Variants in RPGRIP1L observed in about 807,000 individuals in gnomAD.
The protein encoded by RPGRIP1L is protein fantom.
A neutral mutation model predicts 160.4 loss-of-function variants in RPGRIP1L; 131 were observed. The observed-to-expected ratio is 0.82, with a 90% CI of 0.71 to 0.94. The LOEUF (loss-of-function observed/expected upper bound fraction) is 0.94, where lower values mean the gene tolerates loss of function less well. Among genes scored for constraint, RPGRIP1L ranks in the 40% least tolerant of loss-of-function variants. The pLI is 0.00. For synonymous variants in RPGRIP1L, 510 were observed against 515.8 expected, an observed-to-expected ratio of 0.99 and a Z score of 0.15; for missense variants, 1,522 against 1,535.8, an observed-to-expected ratio of 0.99 and a Z score of 0.15.
intron 3 of RPGRIP1L, chr16:53,695,899 G>A (rs1397022789): frequency 2.4e-6 from 1 of 410,478 alleles, no homozygotes; most frequent in African/African-American, 2.0e-5. Flanking sequence ...TTATTTATAG[G>A]TATGATATAC....
At chr16:53,667,319 T>C (rs1410871989) in intron 9 of RPGRIP1L, among the ~76,000 whole-genome samples, 1 of 152,194 alleles carries the variant, frequency 6.6e-6, no homozygotes, top group East Asian at 1.9e-4. Flanking sequence ...AAGATCTAAA[T>C]AAAGCCAAAG....
rs1355152283 is a variant in RPGRIP1L at position 53,636,629 on chromosome 16, A to G, written c.3221-117T>C. ...GATAACCTTAAGAAACATGGTAATT[A>G]TACCTAGATCTTTTTTAGTAGCAAA... On this transcript the variant is annotated intron_variant, in intron 21 of 26. Coordinates refer to ENST00000647211, the MANE Select transcript of RPGRIP1L (RefSeq NM_015272.5). 7.5e-6 allele frequency: 5 copies of G among 668,166 alleles called. No homozygotes were observed. The Admixed American group carries it at 7.8e-5, about 10-fold the overall frequency. 41.4% of individuals were successfully genotyped at this position (668,166 alleles called of 1,614,324 possible).
At chr16:53,606,004 G>A (rs1173618001) in intron 25 of RPGRIP1L, among the ~76,000 whole-genome samples, 1 of 152,164 alleles carries the variant, frequency 6.6e-6, no homozygotes, top group Non-Finnish European at 1.5e-5. Flanking sequence ...ATTTTCCATA[G>A]AAACGTAACA....
At chr16:53,611,347 A>G (rs904315683) in intron 24 of RPGRIP1L, among the ~76,000 whole-genome samples, 1 of 152,254 alleles carries the variant, frequency 6.6e-6, no homozygotes, top group Non-Finnish European at 1.5e-5. Flanking sequence ...TCATGACAGT[A>G]AAAGTCAACG....
At chr16:53,697,486 C>A (rs570150822) in intron 2 of RPGRIP1L, among the ~76,000 whole-genome samples, 3 of 152,114 alleles carry the variant, frequency 2.0e-5, no homozygotes, top group Non-Finnish European at 2.9e-5. Context: ...CTCAGCCTGC[C>A]GAGTGCCTGC....
intron 18 of RPGRIP1L, 78 bp from the exon 19 acceptor site, chr16:53,641,194 ATT>A: frequency 4.9e-6 from 7 of 1,442,534 alleles, no homozygotes; most frequent in African/African-American, 1.4e-5. Flanking sequence ...TATTATTATT[ATT>A]TTTTTTTGGT....
At chr16:53,608,812 G>A (rs576169594) in intron 25 of RPGRIP1L, among the ~76,000 whole-genome samples, 72 of 152,172 alleles carry the variant, frequency 4.7e-4, no homozygotes, top group African/African-American at 1.7e-3. Flanking sequence ...ATAACAATTG[G>A]CTTTTGGCTG....
At chr16:53,671,708 T>C in intron 8 of RPGRIP1L, 125 bp from the exon 9 acceptor site, 1 of 578,816 alleles carries the variant, frequency 1.7e-6, no homozygotes, top group Non-Finnish European at 3.0e-6. Flanking sequence ...TGCTAAATGG[T>C]AGCTGCTAAC....
chr16:53,656,059 A>C (rs992704051), intron 14 of RPGRIP1L, among the ~76,000 whole-genome samples: 12 of 152,192 alleles, frequency 7.9e-5, no homozygotes, highest in African/African-American at 2.9e-4. Context: ...GAGAAATTAA[A>C]AAGTGGTAGT....
In RPGRIP1L at chr16:53,692,209, A is replaced by T. The variant is rs927281262; in HGVS notation, c.386T>A (p.Leu129His). 1 of 1,613,686 alleles carries T rather than the reference A, an allele frequency of 6.2e-7. No individual in the cohort carries two copies. Among genetic ancestry groups the T allele is most frequent in the African/African-American group, 1.3e-5 (1 of 74,794 alleles). ...TTTGGCTGAAATCAGTCTGTTTTTG[A>T]GGGTTTCATTTTGTTTTTCAAGCTC... The part of the protein sequence containing the change: ...VHELEKQNET[L>H]KNRLISAKQQ... The change falls in exon 4 of 27, where the codon CTC becomes CAC. Residue 129 changes from leucine (L) to histidine (H), a missense_variant. By Grantham distance (99) the Leu-to-His change is moderately conservative. Coordinates refer to ENST00000647211, the MANE Select transcript of RPGRIP1L (RefSeq NM_015272.5).
chr16:53,643,797 C>T (rs1410360319), intron 17 of RPGRIP1L, among the ~76,000 whole-genome samples: 1 of 151,986 alleles, frequency 6.6e-6, no homozygotes, highest in African/African-American at 2.4e-5. Context: ...ATATATTATC[C>T]AAAAATGTCC....
intron 2 of RPGRIP1L, among the ~76,000 whole-genome samples, chr16:53,700,029 G>C (rs1344685208): frequency 6.6e-6 from 1 of 152,102 alleles, no homozygotes; most frequent in Non-Finnish European, 1.5e-5. Context: ...GTTGATAATC[G>C]ATACATGCAT....
chr16:53,695,491 T>C, intron 3 of RPGRIP1L: 1 of 701,240 alleles, frequency 1.4e-6, no homozygotes, highest in Non-Finnish European at 2.6e-6. Context: ...GACCTGCTCA[T>C]GATTACACAT....
chr16:53,692,030 G>T (rs1184876801), intron 4 of RPGRIP1L, 36 bp downstream of exon 4: 3 of 1,593,250 alleles, frequency 1.9e-6, no homozygotes, highest in South Asian at 1.1e-5. Flanking sequence ...AATCTAATAA[G>T]ACTTCAGTTT....
intron 2 of RPGRIP1L, among the ~76,000 whole-genome samples, chr16:53,696,952 G>A (rs537622200): frequency 1.3e-5 from 2 of 152,154 alleles, no homozygotes; most frequent in Admixed American, 1.3e-4. Flanking sequence ...TCAGCACTTT[G>A]GGGGGCTGGG....
chr16:53,676,170 C>T (rs1198152470), intron 6 of RPGRIP1L, among the ~76,000 whole-genome samples: 1 of 152,102 alleles, frequency 6.6e-6, no homozygotes, highest in African/African-American at 2.4e-5. Context: ...TAATTTTCCT[C>T]TTTGATATTT....
At chr16:53,639,852 A>G (rs974623829) in intron 19 of RPGRIP1L, among the ~76,000 whole-genome samples, 1 of 152,228 alleles carries the variant, frequency 6.6e-6, no homozygotes, top group African/African-American at 2.4e-5. Flanking sequence ...TATTTATCAC[A>G]TACATATTAA....
At chr16:53,604,740 C>G (rs1219998760) in intron 26 of RPGRIP1L, among the ~76,000 whole-genome samples, 1 of 152,130 alleles carries the variant, frequency 6.6e-6, no homozygotes, top group Non-Finnish European at 1.5e-5. Context: ...AAAGAGAAGC[C>G]TTGAGAAAGA....
At chr16:53,691,277 G>A (rs531600231) in intron 4 of RPGRIP1L, among the ~76,000 whole-genome samples, 1 of 152,110 alleles carries the variant, frequency 6.6e-6, no homozygotes, top group Non-Finnish European at 1.5e-5. Context: ...CGTTACTTAA[G>A]ATATTTATTG....
Sources: allele counts gnomAD v4.1 joint callset (sites outside exome capture counted in the v4.1 genomes callset), GRCh38; gene constraint gnomAD v4.1.1; transcripts MANE v1.5; gene names NCBI Gene and HGNC (gene_info 2026-07-23, HGNC 2026-07-21).